CDKN2B-AS1: variants seen among roughly 807,000 people sequenced by gnomAD.
CDKN2B-AS1 encodes CDKN2B and CDKN2A antisense cis and trans regulatory RNA 1, also known as CDKN2B antisense RNA 1 (non-protein coding).
At chr9:22,063,123 C>T (rs560796887) in intron 4 of CDKN2B-AS1, among the ~76,000 whole-genome samples, 3 of 151,862 alleles carry the variant, frequency 2.0e-5, no homozygotes, top group Non-Finnish European at 4.4e-5. Flanking sequence ...GAGATGTGAA[C>T]GATAATAGAG....
chr9:22,084,131 T>C (rs1824789485), intron 4 of CDKN2B-AS1, among the ~76,000 whole-genome samples: 1 of 152,174 alleles, frequency 6.6e-6, no homozygotes, highest in Non-Finnish European at 1.5e-5. Context: ...AAAATTTATT[T>C]TTCCTGTGTT....
intron 4 of CDKN2B-AS1, among the ~76,000 whole-genome samples, chr9:22,102,610 G>A (rs183127167): frequency 9.8e-4 from 149 of 152,106 alleles, no homozygotes; most frequent in African/African-American, 3.2e-3. Flanking sequence ...CTCTGTTTTC[G>A]TATGGCCTTC....
intron 4 of CDKN2B-AS1, among the ~76,000 whole-genome samples, chr9:22,092,975 C>T (rs1233721930): frequency 6.6e-6 from 1 of 152,120 alleles, no homozygotes; most frequent in Non-Finnish European, 1.5e-5. Context: ...CTATAAATTT[C>T]CCTCTACACA....
intron 1 of CDKN2B-AS1, among the ~76,000 whole-genome samples, chr9:21,998,777 C>T (rs1298425574): frequency 6.6e-6 from 1 of 152,168 alleles, no homozygotes; most frequent in African/African-American, 2.4e-5. Context: ...CTAGCTTTAT[C>T]CCTTAGGTAA....
chr9:22,084,338 T>A (rs1824796383), intron 4 of CDKN2B-AS1, among the ~76,000 whole-genome samples: 1 of 152,242 alleles, frequency 6.6e-6, no homozygotes, highest in Non-Finnish European at 1.5e-5. Context: ...AATCTACCAC[T>A]ATTAAATTTT....
chr9:22,117,184 G>C (rs778669329), intron 4 of CDKN2B-AS1, among the ~76,000 whole-genome samples: 1 of 152,124 alleles, frequency 6.6e-6, no homozygotes, highest in Non-Finnish European at 1.5e-5. Context: ...CACATATTTA[G>C]AGCTTAATTT....
chr9:22,034,012 C>T (rs1057418317), intron 1 of CDKN2B-AS1, among the ~76,000 whole-genome samples: 2 of 152,106 alleles, frequency 1.3e-5, no homozygotes, highest in Non-Finnish European at 2.9e-5. Flanking sequence ...CCAAACCATG[C>T]TTTTTAAAAA....
chr9:22,079,340 T>G (rs1055065683), intron 4 of CDKN2B-AS1, among the ~76,000 whole-genome samples: 15 of 151,442 alleles, frequency 9.9e-5, no homozygotes, highest in African/African-American at 3.6e-4. Flanking sequence ...ATACAAAAAT[T>G]AGTTGGGCGT....
intron 3 of CDKN2B-AS1, among the ~76,000 whole-genome samples, chr9:22,053,346 T>G (rs569923431): frequency 1.3e-5 from 2 of 152,286 alleles, no homozygotes; most frequent in Admixed American, 1.3e-4. Context: ...AAAGAGTGAT[T>G]AGTTTTAGAA....
intron 1 of CDKN2B-AS1, among the ~76,000 whole-genome samples, chr9:22,017,738 A>C (rs138856038): frequency 6.6e-6 from 1 of 152,334 alleles, no homozygotes; most frequent in East Asian, 1.9e-4. Context: ...ATTGGTATAT[A>C]TTTGTTCATT....
Position 22,005,640 on chromosome 9 carries a change from GA to G in CDKN2B-AS1, n.29+10481del, listed in dbSNP as rs1169084784. On this transcript the variant is annotated intron_variant and non_coding_transcript_variant, in intron 1 of 4. Transcript: ENST00000650946. This position sits in a 1 kb window ranked among gnomAD's most constrained non-coding sequence, Gnocchi z 4.9. ...GCTGGAGTGGGAGATTCATCCATCG[GA>G]AGATTCGTAGCCACCAGGTCCAGTC... 1.3e-5 allele frequency: 6 copies of G among 461,310 alleles called. No individual in the cohort carries two copies. The highest frequency in any genetic ancestry group is 2.4e-5 in the Non-Finnish European group (6 of 249,476). 28.6% of individuals were successfully genotyped at this position (461,310 alleles called of 1,614,324 possible).
intron 4 of CDKN2B-AS1, among the ~76,000 whole-genome samples, chr9:22,125,985 A>G (rs1475111497): frequency 6.6e-6 from 1 of 152,188 alleles, no homozygotes; most frequent in Non-Finnish European, 1.5e-5. Flanking sequence ...AGAAAAAACT[A>G]CTTACAGTTG....
rs375094471 is a variant in CDKN2B-AS1, at chr9:22,026,939, T to C, written n.30-19812T>C. Among the ~76,000 whole-genome samples the C allele has an allele frequency of 3.9e-4, 59 of 152,252 alleles. No individual in the cohort carries two copies. In the South Asian group the frequency reaches 7.1e-3, roughly 18 times the overall value. On this transcript the variant is annotated intron_variant and non_coding_transcript_variant, in intron 1 of 4. Coordinates refer to ENST00000650946, the Ensembl canonical transcript of CDKN2B-AS1. ...GTTGCGCATTCACTTACCACTTCCC[T>C]GGGAAGGGGAGTTTCCCTTGACTCC...
intron 1 of CDKN2B-AS1, among the ~76,000 whole-genome samples, chr9:22,013,553 G>A (rs1821607048): frequency 1.3e-5 from 2 of 152,116 alleles, no homozygotes; most frequent in South Asian, 2.1e-4. Context: ...CTGGGCTTAA[G>A]GGATGCTCCT....
chr9:22,080,871 G>A (rs1036835271), intron 4 of CDKN2B-AS1, among the ~76,000 whole-genome samples: 1 of 152,202 alleles, frequency 6.6e-6, no homozygotes, highest in Non-Finnish European at 1.5e-5. Flanking sequence ...TATTCCAAAA[G>A]TACTATGACT....
At chr9:22,091,382 A>T (rs949021637) in intron 4 of CDKN2B-AS1, among the ~76,000 whole-genome samples, 6 of 152,172 alleles carry the variant, frequency 3.9e-5, no homozygotes, top group Non-Finnish European at 5.9e-5. Flanking sequence ...TGGTAGCTTG[A>T]TGGGGATTGC....
chr9:22,069,584 A>G (rs1430302498), intron 4 of CDKN2B-AS1, among the ~76,000 whole-genome samples: 1 of 152,190 alleles, frequency 6.6e-6, no homozygotes, highest in Non-Finnish European at 1.5e-5. Flanking sequence ...ATGGTTCGAT[A>G]CATTTTTATG....
Position 22,047,962 on chromosome 9 carries a change from AT to A in CDKN2B-AS1, n.179+1075del, listed in dbSNP as rs34728798. Reference sequence around the variant, plus strand: ...ACTCCCATGTGCGGCTAATTTTTGTATTTTTTTTTTTTTGTAGAGATGGGTT... The same window carrying A: ...ACTCCCATGTGCGGCTAATTTTTGTATTTTTTTTTTTTGTAGAGATGGGTT... On this transcript the variant is annotated intron_variant and non_coding_transcript_variant, in intron 2 of 4. Transcript: ENST00000650946. Among the ~76,000 whole-genome samples the A allele has an allele frequency of 0.01, 1,495 of 145,600 alleles. 86 individuals carry two copies. In the East Asian group the frequency reaches 0.18, roughly 18 times the overall value.
At chr9:22,019,616 T>G (rs1821934459) in intron 1 of CDKN2B-AS1, among the ~76,000 whole-genome samples, 1 of 152,114 alleles carries the variant, frequency 6.6e-6, no homozygotes, top group Non-Finnish European at 1.5e-5. Context: ...CATGGTGAAC[T>G]ATCAAGGTGG....
Sources: allele counts gnomAD v4.1 joint callset (sites outside exome capture counted in the v4.1 genomes callset), GRCh38; gene constraint gnomAD v4.1.1; non-coding constraint Gnocchi (gnomAD v3.1); transcripts MANE v1.5; gene names NCBI Gene and HGNC (gene_info 2026-07-23, HGNC 2026-07-21).